The following SUCLG2 variants were observed in gnomAD, a reference collection of about 807,000 sequenced individuals.
SUCLG2 encodes succinate--CoA ligase [GDP-forming] subunit beta, mitochondrial.
Under a neutral mutation model 47.9 loss-of-function variants are expected in SUCLG2, and 42 were observed. The observed-to-expected ratio is 0.88, with a 90% CI of 0.69 to 1.14. SUCLG2 has a LOEUF of 1.14. SUCLG2 is among the 50% of genes most tolerant of loss of function. The pLI is 0.00. For synonymous variants in SUCLG2, 195 were observed against 197.3 expected, an observed-to-expected ratio of 0.99 and a Z score of 0.10; for missense variants, 571 against 525.9, an observed-to-expected ratio of 1.09 and a Z score of -0.84.
chr3:67,399,026 T>A lies in SUCLG2; in HGVS notation c.1183+1705A>T, dbSNP rs1223646934. On this transcript the variant is annotated intron_variant, in intron 10 of 10. Coordinates refer to ENST00000307227, the MANE Select transcript of SUCLG2 (RefSeq NM_003848.4). ...TCACACTCTGGGGACTGTTGTGGGG[T>A]GGGGGGAGGGGGGAAGGATAGCATT... 1.9e-3 allele frequency among the ~76,000 whole-genome samples: 114 copies of A among 60,132 alleles called. 1 individual carries two copies. The highest frequency in any genetic ancestry group is 0.029 in the Middle Eastern group (2 of 68). 39.4% of individuals were successfully genotyped at this position (60,132 alleles called of 152,430 possible).
chr3:67,405,789 A>T (rs1343116893), intron 9 of SUCLG2, among the ~76,000 whole-genome samples: 1 of 152,212 alleles, frequency 6.6e-6, no homozygotes, highest in Non-Finnish European at 1.5e-5. Flanking sequence ...GAGTTGATAT[A>T]TGAATAGCTA....
intron 9 of SUCLG2, among the ~76,000 whole-genome samples, chr3:67,431,932 A>C (rs945547794): frequency 3.9e-5 from 6 of 152,230 alleles, no homozygotes; most frequent in Non-Finnish European, 7.3e-5. Context: ...AATAATAATT[A>C]CTTAGGGGTC....
chr3:67,599,375 GA>G (rs1291376444), intron 2 of SUCLG2, among the ~76,000 whole-genome samples: 1 of 152,170 alleles, frequency 6.6e-6, no homozygotes, highest in Non-Finnish European at 1.5e-5. Flanking sequence ...GGTAAATTGT[GA>G]CTGCGTCATG....
chr3:67,461,336 T>C (rs2106958205), intron 9 of SUCLG2, among the ~76,000 whole-genome samples: 1 of 152,246 alleles, frequency 6.6e-6, no homozygotes, highest in South Asian at 2.1e-4. Flanking sequence ...CTGCTTGAAG[T>C]CTTGAAAGTA....
downstream of SUCLG2, among the ~76,000 whole-genome samples, chr3:67,373,209 CCTT>C (rs567160690): frequency 2.0e-5 from 3 of 151,846 alleles, no homozygotes; most frequent in Non-Finnish European, 4.4e-5. Context: ...AAATAATATT[CCTT>C]CTAATTTTTA....
intron 9 of SUCLG2, among the ~76,000 whole-genome samples, chr3:67,487,315 G>T (rs976235953): frequency 6.6e-6 from 1 of 152,076 alleles, no homozygotes; most frequent in African/African-American, 2.4e-5. Flanking sequence ...CATAGTAAAA[G>T]ACACTAACAT....
At chr3:67,604,576 C>T (rs574018289) in intron 2 of SUCLG2, among the ~76,000 whole-genome samples, 92 of 152,044 alleles carry the variant, frequency 6.1e-4, no homozygotes, top group Non-Finnish European at 8.7e-4. Context: ...CTGAATTTGG[C>T]GACCAACTGA....
chr3:67,439,431 A>G (rs534926153), intron 9 of SUCLG2, among the ~76,000 whole-genome samples: 2 of 152,340 alleles, frequency 1.3e-5, no homozygotes, highest in South Asian at 2.1e-4. Flanking sequence ...ATAGGAAAAG[A>G]GGAAGTCAAA....
chr3:67,464,965 G>A (rs1297346453), intron 9 of SUCLG2, among the ~76,000 whole-genome samples: 1 of 152,184 alleles, frequency 6.6e-6, no homozygotes, highest in Non-Finnish European at 1.5e-5. Context: ...AATCGGAAGA[G>A]GGGCTTGACA....
At chr3:67,573,735 C>A (rs577191553) in intron 2 of SUCLG2, among the ~76,000 whole-genome samples, 2 of 152,130 alleles carry the variant, frequency 1.3e-5, no homozygotes, top group African/African-American at 4.8e-5. Context: ...TGGTGGGAAG[C>A]GCTCTATCAG....
intron 2 of SUCLG2, among the ~76,000 whole-genome samples, chr3:67,584,966 AT>A (rs1329851465): frequency 6.6e-6 from 1 of 152,194 alleles, no homozygotes; most frequent in African/African-American, 2.4e-5. Context: ...AAAATTCAAG[AT>A]GAGATTTAGG....
intron 9 of SUCLG2, among the ~76,000 whole-genome samples, chr3:67,468,429 G>A (rs964510560): frequency 6.6e-6 from 1 of 152,164 alleles, no homozygotes. Context: ...GGCAGGACCT[G>A]TAACTGCTCT....
intron 5 of SUCLG2, among the ~76,000 whole-genome samples, chr3:67,520,157 A>G (rs1041727803): frequency 6.6e-6 from 1 of 152,358 alleles, no homozygotes; most frequent in African/African-American, 2.4e-5. Flanking sequence ...AGAGTTAACC[A>G]TAAGAAATGA....
At chr3:67,654,370 G>C (rs951424230) in intron 1 of SUCLG2, 133 bp downstream of exon 1, 1 of 669,184 alleles carries the variant, frequency 1.5e-6, no homozygotes, top group Non-Finnish European at 2.1e-6. Context: ...CCGGCGCCGC[G>C]TCACCTCCCG....
chr3:67,632,060 T>A (rs1209070107), intron 1 of SUCLG2, among the ~76,000 whole-genome samples: 1 of 152,250 alleles, frequency 6.6e-6, no homozygotes, highest in Non-Finnish European at 1.5e-5. Flanking sequence ...TCAGCCCATA[T>A]GCCCATCATC....
intron 9 of SUCLG2, among the ~76,000 whole-genome samples, chr3:67,475,149 A>G (rs1004114396): frequency 6.6e-6 from 1 of 152,340 alleles, no homozygotes; most frequent in African/African-American, 2.4e-5. Context: ...CATACAACTC[A>G]GAGTTCCCAA....
In SUCLG2 at chr3:67,567,326, G is replaced by A. The variant is rs570844279; in HGVS notation, c.227-38140C>T. Among the ~76,000 whole-genome samples, 12 of 151,436 alleles carry A rather than the reference G, an allele frequency of 7.9e-5. No individual in the cohort carries two copies. The East Asian group carries it at 2.1e-3, about 27-fold the overall frequency. ...TTTTTTTTTTTAAGTGACAGGGTAT[G>A]GCTCTGTCACCCAGGATAGAGTACA... On this transcript the variant is annotated intron_variant, in intron 2 of 10. Transcript: ENST00000307227.
downstream of SUCLG2, chr3:67,374,674 T>A (rs1452897424): frequency 3.9e-6 from 3 of 767,364 alleles, no homozygotes; most frequent in African/African-American, 3.8e-5. Flanking sequence ...AAAAAAAAAA[T>A]GTTTGAGGAA....
At chr3:67,535,297 G>C (rs2772480) in intron 2 of SUCLG2, among the ~76,000 whole-genome samples, 1 of 151,988 alleles carries the variant, frequency 6.6e-6, no homozygotes. Context: ...CTTACAAGAG[G>C]AGCTGAGAAA....
Sources: allele counts gnomAD v4.1 joint callset (sites outside exome capture counted in the v4.1 genomes callset), GRCh38; gene constraint gnomAD v4.1.1; transcripts MANE v1.5; gene names NCBI Gene and HGNC (gene_info 2026-07-23, HGNC 2026-07-21).